Variants in KPNA1 observed in about 807,000 individuals in gnomAD.
KPNA1 encodes the protein karyopherin subunit alpha 1.
A neutral mutation model predicts 70.5 loss-of-function variants in KPNA1; 10 were observed. The observed-to-expected ratio is 0.14, with a 90% CI of 0.09 to 0.24. The LOEUF (loss-of-function observed/expected upper bound fraction) is 0.24, where lower values mean the gene tolerates loss of function less well. KPNA1 is among the 10% of genes least tolerant of loss of function. KPNA1 has a pLI of 1.00. For synonymous variants in KPNA1, 192 were observed against 221.9 expected (o/e 0.87, Z 1.20); for missense variants, 397 against 637.9 (o/e 0.62, Z 4.07).
intron 1 of KPNA1, among the ~76,000 whole-genome samples, chr3:122,507,309 C>T (rs1192145448): frequency 2.0e-5 from 3 of 151,792 alleles, no homozygotes; most frequent in Non-Finnish European, 4.4e-5. Flanking sequence ...GGCGTGGTGG[C>T]GGGCGCTTGC....
chr3:122,506,600 T>A (rs2076893135), intron 1 of KPNA1, among the ~76,000 whole-genome samples: 1 of 152,210 alleles, frequency 6.6e-6, no homozygotes, highest in Non-Finnish European at 1.5e-5. Context: ...AACCCTTCAA[T>A]AAAGCTTTTC....
At chr3:122,446,106 A>C (rs1311297967) in intron 9 of KPNA1, among the ~76,000 whole-genome samples, 1 of 152,238 alleles carries the variant, frequency 6.6e-6, no homozygotes, top group East Asian at 1.9e-4. Context: ...AATATTAGAC[A>C]GATCAACACG....
chr3:122,427,688 G>T lies in KPNA1; in HGVS notation c.1279C>A (p.Pro427Thr). ...ATGACCGTGAGGAGATCACAGAGCG[G>T]CTTGATACAACCCAGTTCTACTAGG... ...KYLVELGCIK[P>T]LCDLLTVMDS... Residue 427 changes from proline (P) to threonine (T), a missense_variant, in exon 13 of 14, where the codon CCG becomes ACG. Coordinates refer to ENST00000344337, the MANE Select transcript of KPNA1 (RefSeq NM_002264.4). 1 of 1,608,998 alleles carries T rather than the reference G, an allele frequency of 6.2e-7. No homozygotes were observed. The highest frequency in any genetic ancestry group is 8.5e-7 in the Non-Finnish European group (1 of 1,177,118).
At position 122,496,648 on chromosome 3, in the gene KPNA1, A is replaced by T; in HGVS notation, c.-5-78T>A. 3.0e-6 allele frequency: 4 copies of T among 1,329,706 alleles called. No individual in the cohort carries two copies. The South Asian group carries it at 3.8e-5, about 13-fold the overall frequency. 82.4% of individuals were successfully genotyped at this position (1,329,706 alleles called of 1,614,324 possible). On this transcript the variant is annotated intron_variant, in intron 1 of 13. Transcript: ENST00000344337. ...ATTCTAAGAGCTCAGTCTTTTAAAC[A>T]TATACATGCCCAGACATATCCCAAA...
chr3:122,491,479 T>C (rs1241708027), intron 2 of KPNA1, among the ~76,000 whole-genome samples: 1 of 152,222 alleles, frequency 6.6e-6, no homozygotes, highest in Non-Finnish European at 1.5e-5. Context: ...GGCCGTTGGT[T>C]AAACAGGTGA....
intron 12 of KPNA1, among the ~76,000 whole-genome samples, chr3:122,430,614 G>C (rs1215310662): frequency 1.3e-5 from 2 of 150,898 alleles, no homozygotes; most frequent in Non-Finnish European, 2.9e-5. Flanking sequence ...TTGTGTGTTT[G>C]GTTTCTCAGA....
At chr3:122,472,376 A>G (rs952548904) in intron 2 of KPNA1, among the ~76,000 whole-genome samples, 1 of 152,212 alleles carries the variant, frequency 6.6e-6, no homozygotes, top group African/African-American at 2.4e-5. Context: ...AAATTTTAAA[A>G]TATTTTGAGC....
intron 11 of KPNA1, 97 bp downstream of exon 11, chr3:122,437,073 C>T: frequency 7.6e-7 from 1 of 1,311,640 alleles, no homozygotes; most frequent in South Asian, 1.4e-5. Context: ...AGCCACCGCA[C>T]CCAGCCAAAA....
chr3:122,469,453 G>A (rs1177492180), intron 2 of KPNA1, among the ~76,000 whole-genome samples: 2 of 152,218 alleles, frequency 1.3e-5, no homozygotes, highest in Non-Finnish European at 2.9e-5. Flanking sequence ...TATGTCTTTA[G>A]ATGAATACAC....
At position 122,439,420 on chromosome 3, in the gene KPNA1, G is replaced by A. The variant is rs533790469; in HGVS notation, c.997-2125C>T. Among the ~76,000 whole-genome samples, 4 of 152,142 alleles carry A rather than the reference G, an allele frequency of 2.6e-5. No homozygotes were observed. In the South Asian group the frequency reaches 6.2e-4, roughly 24 times the overall value. On this transcript the variant is annotated intron_variant, in intron 10 of 13. Transcript: ENST00000344337. ...GCATGGGCTGGTTTGGAACTCCTGG[G>A]CTCAGGCAATTCTCTCACCTCAGCC...
At chr3:122,510,458 A>C (rs1413392883) in intron 1 of KPNA1, among the ~76,000 whole-genome samples, 1 of 152,180 alleles carries the variant, frequency 6.6e-6, no homozygotes, top group African/African-American at 2.4e-5. Context: ...CTTGTAGAAA[A>C]ACAAAAATTT....
intron 2 of KPNA1, among the ~76,000 whole-genome samples, chr3:122,476,883 A>AAAAAAAAAAAAAAAAAAAAAAAAAAAAT (rs2076506231): frequency 6.7e-6 from 1 of 148,704 alleles, no homozygotes; most frequent in Non-Finnish European, 1.5e-5. Flanking sequence ...AAAAAAAAAA[A>AAAAAAAAAAAAAAAAAAAAAAAAAAAAT]ACTAAAAAAA....
intron 11 of KPNA1, among the ~76,000 whole-genome samples, chr3:122,434,699 T>C (rs545088684): frequency 1.3e-5 from 2 of 152,244 alleles, no homozygotes; most frequent in Admixed American, 6.5e-5. Context: ...TATAGTTGGA[T>C]GGAGTACTTT....
In KPNA1 at chr3:122,496,519, T is replaced by C. The variant is rs748617707; in HGVS notation, c.47A>G (p.Asn16Ser). 2 of 1,614,048 alleles carry C rather than the reference T, an allele frequency of 1.2e-6. No homozygotes were observed. Among genetic ancestry groups the C allele is most frequent in the African/African-American group, 1.3e-5 (1 of 75,052 alleles). Residue 16 changes from asparagine to serine, a missense_variant, in exon 2 of 14, where the codon AAC becomes AGC. Coordinates refer to ENST00000344337, the MANE Select transcript of KPNA1 (RefSeq NM_002264.4). ...KENFRLKSYKNKSLNPDEMRR... is the reference protein window; with the variant it reads ...KENFRLKSYKSKSLNPDEMRR... ...CATCTCATCGGGATTCAGAGATTTGTTCTTGTAACTTTTCAGGCGAAAGTT... is the reference window on the plus strand; with the variant it reads ...CATCTCATCGGGATTCAGAGATTTGCTCTTGTAACTTTTCAGGCGAAAGTT...
At chr3:122,478,894 C>CAAAAAAAAAAAAAAAAAAAAAA (rs57843662) in intron 2 of KPNA1, among the ~76,000 whole-genome samples, 1 of 18,684 alleles carries the variant, frequency 5.4e-5, no homozygotes, top group Non-Finnish European at 8.8e-5. Flanking sequence ...AACCTCGTCT[C>CAAAAAAAAAAAAAAAAAAAAAA]AAAAAAAAAA....
At chr3:122,476,452 A>G (rs905083924) in intron 2 of KPNA1, among the ~76,000 whole-genome samples, 3 of 152,216 alleles carry the variant, frequency 2.0e-5, no homozygotes, top group Non-Finnish European at 2.9e-5. Context: ...TAAAAAGCAC[A>G]GCAGAGGAAT....
chr3:122,429,446 CAAAAAAAAAAAA>C (rs57991855), intron 12 of KPNA1, among the ~76,000 whole-genome samples: 27 of 58,782 alleles, frequency 4.6e-4, no homozygotes, highest in South Asian at 1.6e-3. Context: ...AACTCTGTCT[CAAAAAAAAAAAA>C]AAAAAAAAAA....
chr3:122,487,380 T>C (rs2076641253), intron 2 of KPNA1, among the ~76,000 whole-genome samples: 1 of 152,218 alleles, frequency 6.6e-6, no homozygotes, highest in Non-Finnish European at 1.5e-5. Context: ...AATGAAATTA[T>C]CATTATGATC....
At chr3:122,500,299 T>C (rs1364792192) in intron 1 of KPNA1, among the ~76,000 whole-genome samples, 3 of 152,012 alleles carry the variant, frequency 2.0e-5, no homozygotes, top group Non-Finnish European at 4.4e-5. Context: ...TTTTTGTATT[T>C]TTAGTAGAGA....
Sources: gnomAD v4.1 joint callset for allele counts (sites outside exome capture counted in the v4.1 genomes callset) on GRCh38, gnomAD v4.1.1 for gene constraint, MANE v1.5 for transcripts, NCBI Gene and HGNC (gene_info 2026-07-23, HGNC 2026-07-21) for gene names.